Variants in IPO8 observed in about 807,000 individuals in gnomAD.
IPO8 encodes importin-8.
IPO8 carries 65 observed loss-of-function variants against 141.2 expected under a neutral mutation model. The ratio of observed to expected loss-of-function variants is 0.46; its 90% CI spans 0.38 to 0.57. The LOEUF (loss-of-function observed/expected upper bound fraction) is 0.57, where lower values mean the gene tolerates loss of function less well. Among genes scored for constraint, IPO8 ranks in the 20% least tolerant of loss-of-function variants. IPO8 has a pLI of 0.00. For synonymous variants in IPO8, 411 were observed against 420.3 expected (o/e 0.98, Z 0.27); for missense variants, 980 against 1,246.8 (o/e 0.79, Z 3.22).
Position 30,662,602 on chromosome 12 carries a change from T to C in IPO8, c.1595-115A>G, listed in dbSNP as rs1354552469. 21 of 742,764 alleles carry C rather than the reference T, an allele frequency of 2.8e-5. No individual in the cohort carries two copies. The Middle Eastern group carries it at 9.5e-4, about 33-fold the overall frequency. 46.0% of individuals were successfully genotyped at this position (742,764 alleles called of 1,614,324 possible). On this transcript the variant is annotated intron_variant, in intron 14 of 24. Transcript: ENST00000256079. ...GGTAATACCTAAATCAGGTTCTAGA[T>C]ACACACTTGCTCTGTGGTAAGTTAC...
chr12:30,642,158 T>C (rs1017756767), intron 20 of IPO8, among the ~76,000 whole-genome samples: 3 of 151,810 alleles, frequency 2.0e-5, no homozygotes, highest in African/African-American at 7.3e-5. Flanking sequence ...ATCAAGCCAT[T>C]TGCACTCCAC....
chr12:30,682,406 A>T (rs1446457300), intron 3 of IPO8, among the ~76,000 whole-genome samples: 1 of 152,194 alleles, frequency 6.6e-6, no homozygotes, highest in Non-Finnish European at 1.5e-5. Flanking sequence ...TTAGCGAGGC[A>T]ATTCCTGAAG....
chr12:30,679,443 T>C (rs1167811364), intron 5 of IPO8, among the ~76,000 whole-genome samples: 1 of 152,164 alleles, frequency 6.6e-6, no homozygotes, highest in Non-Finnish European at 1.5e-5. Flanking sequence ...TAGCTGTTTC[T>C]GCCAATAGAA....
chr12:30,691,254 G>T (rs1327629270), intron 1 of IPO8, among the ~76,000 whole-genome samples: 1 of 152,196 alleles, frequency 6.6e-6, no homozygotes, highest in Non-Finnish European at 1.5e-5. Flanking sequence ...AGTTGAGCGT[G>T]AGCAATGGAG....
chr12:30,639,773 G>A (rs1346599917), intron 20 of IPO8, 38 bp from the exon 21 acceptor site: 3 of 1,491,648 alleles, frequency 2.0e-6, no homozygotes, highest in Non-Finnish European at 2.8e-6. Flanking sequence ...CACACAGACA[G>A]CCCAAGTAAC....
chr12:30,690,674 A>T, intron 1 of IPO8, 97 bp from the exon 2 acceptor site: 1 of 605,634 alleles, frequency 1.7e-6, no homozygotes, highest in Non-Finnish European at 2.8e-6. Flanking sequence ...TCCAAATAAA[A>T]GAAAAACTTT....
At position 30,681,824 on chromosome 12, in the gene IPO8, A is replaced by G; in HGVS notation, c.324-7T>C. 1 of 1,601,072 alleles carries G rather than the reference A, an allele frequency of 6.2e-7. No individual in the cohort carries two copies. Among genetic ancestry groups the G allele is most frequent in the South Asian group, 1.1e-5 (1 of 88,980 alleles). On this transcript the variant is annotated splice_polypyrimidine_tract_variant and splice_region_variant and intron_variant, in intron 3 of 24. Transcript: ENST00000256079. ...ACACATTGTTAATTGGACTCTACAAAGTAGGGAAGAAAAGTCCAAAATCTA... is the reference window on the plus strand; with the variant it reads ...ACACATTGTTAATTGGACTCTACAAGGTAGGGAAGAAAAGTCCAAAATCTA...
In IPO8 at chr12:30,681,757, T is replaced by C. The variant is rs755400708; in HGVS notation, c.384A>G (p.Pro128=). Residue 128 remains proline, a synonymous_variant, in exon 4 of 25, where the codon CCA becomes CCG. Transcript: ENST00000256079. ...AATAGTCTATCTTGTCGACCACTCC[T>C]GGCCAGTGACCAGGAAAATCATGTT... ...IIKHDFPGHW[P]GVVDKIDYYL... is the part of the protein sequence containing the mutation. 6.2e-7 allele frequency: 1 copy of C among 1,613,862 alleles called. No individual in the cohort carries two copies. Among genetic ancestry groups the C allele is most frequent in the Admixed American group, 1.7e-5 (1 of 60,008 alleles).
chr12:30,634,443 G>A (rs2052475322), intron 22 of IPO8, among the ~76,000 whole-genome samples, 157 bp from the exon 23 acceptor site: 2 of 151,936 alleles, frequency 1.3e-5, no homozygotes, highest in African/African-American at 4.8e-5. Context: ...GGTCTAAAGA[G>A]GAGAGTCAAA....
chr12:30,662,455 T>C lies in IPO8; in HGVS notation c.1627A>G (p.Ile543Val), dbSNP rs116053807. The C allele has an allele frequency of 1.2e-5, 19 of 1,612,738 alleles. No individual in the cohort carries two copies. Among genetic ancestry groups the C allele is most frequent in the Non-Finnish European group, 1.5e-5 (18 of 1,179,170 alleles). Residue 543 changes from isoleucine (I) to valine (V), a missense_variant, in exon 15 of 25, where the codon ATT becomes GTT. Transcript: ENST00000256079. ...ACAATGTGCAACAGTTCCTGCATAA[T>C]AGGCCTCACATGTGGCTTCATATAT... ...KEYMKPHVRPIMQELLHIVRE... is the reference protein window; with the variant it reads ...KEYMKPHVRPVMQELLHIVRE...
At chr12:30,638,886 T>G (rs1333106304) in intron 21 of IPO8, among the ~76,000 whole-genome samples, 1 of 152,122 alleles carries the variant, frequency 6.6e-6, no homozygotes, top group African/African-American at 2.4e-5. Flanking sequence ...TTAGCCAGAA[T>G]GGTCTCGATC....
chr12:30,688,309 A>C (rs2136175418), intron 2 of IPO8: 1 of 327,976 alleles, frequency 3.0e-6, no homozygotes, highest in East Asian at 1.1e-4. Flanking sequence ...AAAATACTTA[A>C]TTTTTTCCTG....
chr12:30,671,768 G>A (rs1488798009), intron 8 of IPO8, among the ~76,000 whole-genome samples: 4 of 149,354 alleles, frequency 2.7e-5, no homozygotes, highest in African/African-American at 9.8e-5. Flanking sequence ...GCACAAAGAT[G>A]TTTCTTTATT....
intron 24 of IPO8, chr12:30,631,646 T>G (rs1337965489): frequency 1.9e-5 from 6 of 316,754 alleles, no homozygotes; most frequent in Non-Finnish European, 1.8e-5. Flanking sequence ...TACCTTTGCC[T>G]CCAACATAGG....
intron 3 of IPO8, among the ~76,000 whole-genome samples, chr12:30,682,190 A>G (rs185719780): frequency 2.6e-5 from 4 of 152,320 alleles, no homozygotes; most frequent in Admixed American, 2.0e-4. Context: ...GGGGGAAAAA[A>G]TAACACTTCA....
chr12:30,649,412 T>C lies in IPO8; in HGVS notation c.2173-180A>G, dbSNP rs373356822. Among the ~76,000 whole-genome samples, 14 of 152,292 alleles carry C rather than the reference T, an allele frequency of 9.2e-5. No individual in the cohort carries two copies. The East Asian group carries it at 2.7e-3, about 29-fold the overall frequency. On this transcript the variant is annotated intron_variant, in intron 19 of 24. Transcript: ENST00000256079. ...AATAAATTCCATCCATCATCTCATT[T>C]CTTATAAGGAGCAATAATTCACTTA...
chr12:30,662,128 A>G (rs962216723), intron 15 of IPO8, among the ~76,000 whole-genome samples, 199 bp downstream of exon 15: 4 of 152,204 alleles, frequency 2.6e-5, no homozygotes, highest in African/African-American at 9.6e-5. Context: ...AATTATTTGT[A>G]TCTAAACATA....
At chr12:30,641,925 T>C (rs2052579966) in intron 20 of IPO8, among the ~76,000 whole-genome samples, 1 of 152,092 alleles carries the variant, frequency 6.6e-6, no homozygotes, top group Non-Finnish European at 1.5e-5. Context: ...CCAGGCACAG[T>C]GGTTCACGCC....
rs373155571 is a variant in IPO8, at chr12:30,637,076, G to A, written c.2601C>T (p.Phe867=). The change falls in exon 22 of 25, where the codon TTC becomes TTT. Residue 867 remains phenylalanine, a synonymous_variant. Transcript: ENST00000256079. ...VVGQIVPSIL[F]LFLGLKQVCA... ...AGACCTGCTTTAGGCCAAGGAAAAG[G>A]AAAAGAATTGAGGGAACAATCTGTC... is the stretch of plus-strand genomic sequence containing the variant. 1 of 1,614,000 alleles carries A rather than the reference G, an allele frequency of 6.2e-7. No homozygotes were observed. Among genetic ancestry groups the A allele is most frequent in the Non-Finnish European group, 8.5e-7 (1 of 1,179,958 alleles).
Sources: gnomAD v4.1 joint callset for allele counts (sites outside exome capture counted in the v4.1 genomes callset) on GRCh38, gnomAD v4.1.1 for gene constraint, MANE v1.5 for transcripts, NCBI Gene and HGNC (gene_info 2026-07-23, HGNC 2026-07-21) for gene names.